The following SPDYE21 variants were observed in gnomAD, a reference collection of about 807,000 sequenced individuals.
The protein encoded by SPDYE21 is speedy protein E21.
Under a neutral mutation model 36.2 loss-of-function variants are expected in SPDYE21, and 14 were observed. The observed-to-expected ratio is 0.39, with a 90% CI of 0.26 to 0.61. The LOEUF (loss-of-function observed/expected upper bound fraction) is 0.61, where lower values mean the gene tolerates loss of function less well. SPDYE21 is among the 20% of genes least tolerant of loss of function. The probability of loss-of-function intolerance (pLI) is 0.55; values close to 1 mark genes in which losing one functional copy is unlikely to be tolerated. For missense variants in SPDYE21, 233 were observed against 424.6 expected, an observed-to-expected ratio of 0.55 and a Z score of 3.97; for synonymous variants, 58 against 155.1, an observed-to-expected ratio of 0.37 and a Z score of 4.65.
chr7:67,281,156 T>G (rs1185934628), intron 3 of SPDYE21, among the ~76,000 whole-genome samples: 8 of 86,772 alleles, frequency 9.2e-5, no homozygotes, highest in Non-Finnish European at 1.2e-4. Context: ...CAGGGAAGGA[T>G]ATGAGGAAGT....
chr7:67,278,824 G>A lies in SPDYE21; in HGVS notation c.111G>A (p.Ser37=), dbSNP rs1014598255. 6.6e-6 allele frequency among the ~76,000 whole-genome samples: 1 copy of A among 151,776 alleles called. No homozygotes were observed. The highest frequency in any genetic ancestry group is 1.5e-5 in the Non-Finnish European group (1 of 67,948). Reference sequence around the variant, plus strand: ...AGCAGAGTCCCCAGCGGAGCACCTCGGGGTACCCCCTCCAGGAGGTGGTGG... The same window carrying A: ...AGCAGAGTCCCCAGCGGAGCACCTCAGGGTACCCCCTCCAGGAGGTGGTGG... ...QNEQSPQRST[S]GYPLQEVVDD... The change falls in exon 2 of 9, where the codon TCG becomes TCA. Residue 37 remains serine (S), a synonymous_variant. Transcript: ENST00000424157.
rs1802735726 is a variant in SPDYE21, at chr7:67,286,392, T to C, written c.1104T>C (p.Cys368=). 6.6e-6 allele frequency among the ~76,000 whole-genome samples: 1 copy of C among 152,128 alleles called. No individual in the cohort carries two copies. ...LFQKLRFQFF[C]SMSGRAWVSP... is the part of the protein sequence containing the mutation. ...AGAAACTTCGGTTCCAGTTCTTCTG[T>C]TCCATGAGCGGCAGGGCTTGGGTTT... is the stretch of plus-strand genomic sequence containing the variant. The change falls in exon 7 of 9, where the codon TGT becomes TGC. Residue 368 remains cysteine, a synonymous_variant. Transcript: ENST00000424157.
chr7:67,280,729 A>AGAAG (rs1802617604), intron 3 of SPDYE21, among the ~76,000 whole-genome samples: 1 of 121,994 alleles, frequency 8.2e-6, no homozygotes, highest in Non-Finnish European at 1.7e-5. Context: ...AAAAAAAAAA[A>AGAAG]GAAGGAAGGA....
In SPDYE21 at chr7:67,279,951, G is replaced by A; in HGVS notation, c.294G>A (p.Thr98=). 7.6e-6 allele frequency: 12 copies of A among 1,574,194 alleles called. No individual in the cohort carries two copies. Among genetic ancestry groups the A allele is most frequent in the Middle Eastern group, 2.2e-4 (1 of 4,642 alleles). The change falls in exon 3 of 9, where the codon ACG becomes ACA. Residue 98 remains threonine (T), a synonymous_variant. Transcript: ENST00000424157. ...PEPEETWVVE[T]LCGLKMKLKQ... is the part of the protein sequence containing the mutation. ...CTGAGGAGACCTGGGTAGTGGAGAC[G>A]CTGTGTGGGCTTAAGATGAAGCTGA...
Position 67,282,699 on chromosome 7 carries a change from G to A in SPDYE21, c.669+6G>A. ...ATCTGAGGGTGTCGGACAAGGTAAGGTTGTTCTCCATGTAACTGTTCCTGT... is the reference window on the plus strand; with the variant it reads ...ATCTGAGGGTGTCGGACAAGGTAAGATTGTTCTCCATGTAACTGTTCCTGT... On this transcript the variant is annotated splice_donor_region_variant and intron_variant, in intron 5 of 8. Coordinates refer to ENST00000424157, the MANE Select transcript of SPDYE21 (RefSeq NM_001382715.2). The A allele has an allele frequency of 7.1e-7, 1 of 1,414,066 alleles. No homozygotes were observed. Among genetic ancestry groups the A allele is most frequent in the South Asian group, 1.2e-5 (1 of 85,952 alleles). 87.6% of individuals were successfully genotyped at this position (1,414,066 alleles called of 1,614,324 possible). A position where few individuals can be genotyped will look rare whatever the true frequency, so the allele number is the denominator to read the frequency against.
At position 67,286,158 on chromosome 7, in the gene SPDYE21, G is replaced by C; in HGVS notation, c.870G>C (p.Gln290His). 1 of 1,610,894 alleles carries C rather than the reference G, an allele frequency of 6.2e-7. No individual in the cohort carries two copies. The highest frequency in any genetic ancestry group is 8.5e-7 in the Non-Finnish European group (1 of 1,179,440). Reference sequence around the variant, plus strand: ...CCTTGCTCCGTAAGCGTTGGTTCCAGTTAGGCCGTTCCATGAACCCGAGGG... The same window carrying C: ...CCTTGCTCCGTAAGCGTTGGTTCCACTTAGGCCGTTCCATGAACCCGAGGG... ...RIPLLRKRWF[Q>H]LGRSMNPRAR... Residue 290 changes from glutamine (Q) to histidine (H), a missense_variant, in exon 7 of 9, where the codon CAG becomes CAC. This residue lies in a region of SPDYE21 where 139 missense variants were observed against 175.8 expected (regional missense o/e 0.79). Coordinates refer to ENST00000424157, the MANE Select transcript of SPDYE21 (RefSeq NM_001382715.2).
At chr7:67,285,796 G>A (rs1410239839) in intron 6 of SPDYE21, among the ~76,000 whole-genome samples, 1 of 151,968 alleles carries the variant, frequency 6.6e-6, no homozygotes, top group Admixed American at 6.6e-5. Context: ...CAATGTGCTG[G>A]GATTCCAGGC....
At chr7:67,285,293 A>G (rs1467059435) in intron 6 of SPDYE21, among the ~76,000 whole-genome samples, 2 of 152,276 alleles carry the variant, frequency 1.3e-5, no homozygotes, top group South Asian at 2.1e-4. Context: ...ATAGCTCACC[A>G]CAGCCTCCAT....
chr7:67,287,252 G>A (rs1484204605), intron 8 of SPDYE21, among the ~76,000 whole-genome samples: 1 of 152,166 alleles, frequency 6.6e-6, no homozygotes, highest in Non-Finnish European at 1.5e-5. Context: ...CCTACTCCCT[G>A]GGCAGACCCA....
rs1322011743 is a variant in SPDYE21 at position 67,286,162 on chromosome 7, G to T, written c.874G>T (p.Gly292Cys). 3.1e-6 allele frequency: 5 copies of T among 1,610,686 alleles called. No homozygotes were observed. Among genetic ancestry groups the T allele is most frequent in the Non-Finnish European group, 4.2e-6 (5 of 1,179,374 alleles). The change falls in exon 7 of 9, where the codon GGC becomes TGC. Residue 292 changes from glycine (G) to cysteine (C), a missense_variant. Physicochemically the swap from Gly to Cys is radical, Grantham distance 159. Transcript: ENST00000424157. ...GCTCCGTAAGCGTTGGTTCCAGTTA[G>T]GCCGTTCCATGAACCCGAGGGCCAG... Reference protein sequence around the residue: ...PLLRKRWFQLGRSMNPRARKN... With the variant: ...PLLRKRWFQLCRSMNPRARKN...
Position 67,286,134 on chromosome 7 carries a change from C to T in SPDYE21, c.846C>T (p.Pro282=), listed in dbSNP as rs539944899. Residue 282 remains proline, a synonymous_variant, in exon 7 of 9, where the codon CCC becomes CCT. Transcript: ENST00000424157. ...ATGGGAAGACCCGCTCTCGCATACC[C>T]TTGCTCCGTAAGCGTTGGTTCCAGT... ...FLYGKTRSRI[P]LLRKRWFQLG... is the part of the protein sequence containing the mutation. 35 of 1,612,016 alleles carry T rather than the reference C, an allele frequency of 2.2e-5. No individual in the cohort carries two copies. In the African/African-American group the frequency reaches 4.1e-4, roughly 19 times the overall value.
At chr7:67,287,219 A>G in intron 8 of SPDYE21, among the ~76,000 whole-genome samples, 1 of 152,226 alleles carries the variant, frequency 6.6e-6, no homozygotes, top group East Asian at 1.9e-4. Flanking sequence ...GATGAAGTCC[A>G]AAGCCACATT....
At position 67,286,201 on chromosome 7, in the gene SPDYE21, C is replaced by T. The variant is rs1230125104; in HGVS notation, c.913C>T (p.Arg305Cys). 2.0e-4 allele frequency: 323 copies of T among 1,612,592 alleles called. No homozygotes were observed. Among genetic ancestry groups the T allele is most frequent in the Non-Finnish European group, 2.5e-4 (299 of 1,179,636 alleles). Residue 305 changes from arginine to cysteine, a missense_variant, in exon 7 of 9, where the codon CGC becomes TGC. This residue lies in a region of SPDYE21 where 139 missense variants were observed against 175.8 expected (regional missense o/e 0.79). Transcript: ENST00000424157. ...CCCGAGGGCCAGGAAGAACCGCTCT[C>T]GCATACCCTTGCTCCGTAAGCGTCG... ...MNPRARKNRS[R>C]IPLLRKRRFQ...
intron 6 of SPDYE21, among the ~76,000 whole-genome samples, chr7:67,284,246 C>T (rs1234041669): frequency 6.7e-6 from 1 of 150,294 alleles, no homozygotes; most frequent in African/African-American, 2.4e-5. Flanking sequence ...GTCAGCAGTT[C>T]GAGACCAGCC....
In SPDYE21 at chr7:67,287,842, C is replaced by T. The variant is rs1251908223; in HGVS notation, c.*370C>T. Among the ~76,000 whole-genome samples the T allele has an allele frequency of 6.6e-6, 1 of 152,072 alleles. No individual in the cohort carries two copies. Among genetic ancestry groups the T allele is most frequent in the Non-Finnish European group, 1.5e-5 (1 of 68,028 alleles). On this transcript the variant is annotated 3_prime_UTR_variant, in exon 9 of 9. Coordinates refer to ENST00000424157, the MANE Select transcript of SPDYE21 (RefSeq NM_001382715.2). Reference sequence around the variant, plus strand: ...CGGAACCTGGAGGTGCTGTTTCTTACGGACTTGGTTGCCACAGTCCAGGAG... The same window carrying T: ...CGGAACCTGGAGGTGCTGTTTCTTATGGACTTGGTTGCCACAGTCCAGGAG...
At position 67,286,261 on chromosome 7, in the gene SPDYE21, AG is replaced by A; in HGVS notation, c.975del (p.Lys326SerfsTer20). Reference sequence around the variant, plus strand: ...AGGCCGTTCCATGAACCCGAGGGCCAGGAAGTACCGCTCTCGCATACCCTTG... The same window carrying A: ...AGGCCGTTCCATGAACCCGAGGGCCAGAAGTACCGCTCTCGCATACCCTTG... Reference protein sequence around the residue: ...QLGRSMNPRARKYRSRIPLVR... With the variant: ...QLGRSMNPRAXKYRSRIPLVR... On this transcript the variant is annotated frameshift_variant, in exon 7 of 9. Transcript: ENST00000424157. LOFTEE classifies it high-confidence loss of function. 1 of 1,588,350 alleles carries A rather than the reference AG, an allele frequency of 6.3e-7. No individual in the cohort carries two copies. The highest frequency in any genetic ancestry group is 2.2e-5 in the East Asian group (1 of 44,764).
intron 3 of SPDYE21, among the ~76,000 whole-genome samples, chr7:67,280,382 G>C (rs1195475891): frequency 3.3e-5 from 5 of 152,028 alleles, no homozygotes; most frequent in Admixed American, 6.6e-5. Flanking sequence ...CTCCAGCCTG[G>C]GTGACAGAGC....
chr7:67,283,420 A>C (rs1165410059), intron 5 of SPDYE21, among the ~76,000 whole-genome samples: 2 of 152,160 alleles, frequency 1.3e-5, no homozygotes, highest in East Asian at 1.9e-4. Context: ...AGGCTTGAGC[A>C]GCCACTCCCG....
rs1366326990 is a variant in SPDYE21 at position 67,288,776 on chromosome 7, C to T, written c.*1304C>T. Among the ~76,000 whole-genome samples the T allele has an allele frequency of 6.9e-6, 1 of 145,490 alleles. No homozygotes were observed. Among genetic ancestry groups the T allele is most frequent in the African/African-American group, 2.5e-5 (1 of 39,758 alleles). ...TTACATTTATAGCTATGTAGTAGTT[C>T]CCCTAAATTCTTGTAAAAATAAATT... On this transcript the variant is annotated 3_prime_UTR_variant, in exon 9 of 9. Coordinates refer to ENST00000424157, the MANE Select transcript of SPDYE21 (RefSeq NM_001382715.2).
Sources: gnomAD v4.1 joint callset for allele counts (sites outside exome capture counted in the v4.1 genomes callset) on GRCh38, gnomAD v4.1.1 for gene constraint, gnomAD v4.1.1 regional missense constraint, MANE v1.5 for transcripts, NCBI Gene and HGNC (gene_info 2026-07-23, HGNC 2026-07-21) for gene names.